MAST4: variants seen among roughly 807,000 people sequenced by gnomAD.
MAST4 encodes the protein microtubule-associated serine/threonine-protein kinase 4.
MAST4 carries 89 observed loss-of-function variants against 162.7 expected under a neutral mutation model. That is an observed-to-expected ratio of 0.55 (90% CI 0.46 to 0.65). The LOEUF is 0.65. Ranked by LOEUF, MAST4 falls within the 30% of genes least tolerant of loss-of-function variation. MAST4 has a pLI of 0.00. For synonymous variants in MAST4, 1,479 were observed against 1,361.1 expected, an observed-to-expected ratio of 1.09 and a Z score of -1.91; for missense variants, 3,153 against 3,374.0, an observed-to-expected ratio of 0.93 and a Z score of 1.62.
At chr5:66,604,692 TG>T (rs560651749) in intron 1 of MAST4, among the ~76,000 whole-genome samples, 179 of 152,276 alleles carry the variant, frequency 1.2e-3, no homozygotes, top group African/African-American at 4.1e-3. Context: ...AGAATTTAGG[TG>T]TGTTCCTTTC....
Position 66,788,728 on chromosome 5 carries a change from G to C in MAST4, c.576G>C (p.Thr192=). ...AGQAWPASAE[T]SNLVRMRSQA... is the part of the protein sequence containing the mutation. ...AGGCCTGGCCGGCCTCTGCAGAGAC[G>C]TCCAACCTCGTGCGCATGCGCAGCC... The change falls in exon 3 of 29, where the codon ACG becomes ACC. Residue 192 remains threonine, a synonymous_variant. Transcript: ENST00000403625. 6.2e-7 allele frequency: 1 copy of C among 1,613,282 alleles called. No homozygotes were observed.
intron 8 of MAST4, 73 bp downstream of exon 8, chr5:67,100,665 G>T (rs1037011081): frequency 1.0e-5 from 16 of 1,559,926 alleles, no homozygotes; most frequent in Non-Finnish European, 1.4e-5. Flanking sequence ...GAACACTTCG[G>T]TCCTTTAGGT....
chr5:67,149,420 A>G lies in MAST4; in HGVS notation c.3126A>G (p.Ile1042Met). The change falls in exon 24 of 29, where the codon ATA (isoleucine) becomes ATG (methionine). Residue 1042 changes from isoleucine (I) to methionine (M), a missense_variant. This residue lies in a region of MAST4 where 619 missense variants were observed against 744.2 expected (regional missense o/e 0.83). Transcript: ENST00000403625. ...GTTTTTCAGAGCACTTGGATCAGAT[A>G]AATGGACGAAGCGAGTGTGTGGACA... The part of the protein sequence containing the change: ...VGSFSEHLDQ[I>M]NGRSECVDST... 6.2e-7 allele frequency: 1 copy of G among 1,613,424 alleles called. No individual in the cohort carries two copies.
At chr5:66,627,137 G>T (rs1215735636) in intron 1 of MAST4, among the ~76,000 whole-genome samples, 1 of 152,162 alleles carries the variant, frequency 6.6e-6, no homozygotes, top group Non-Finnish European at 1.5e-5. Flanking sequence ...CTTACAATTT[G>T]GGCGGAAGGG....
chr5:67,162,504 C>T, intron 27 of MAST4, 103 bp from the exon 28 acceptor site: 1 of 1,009,336 alleles, frequency 9.9e-7, no homozygotes, highest in Non-Finnish European at 1.5e-6. Flanking sequence ...CTGTTGTATC[C>T]CTGTCCCTCA....
At chr5:67,086,115 A>G (rs908796514) in intron 5 of MAST4, among the ~76,000 whole-genome samples, 10 of 152,210 alleles carry the variant, frequency 6.6e-5, no homozygotes, top group African/African-American at 2.4e-4. Flanking sequence ...GGGATCATCA[A>G]GTAATGACAA....
chr5:67,110,074 ACT>A (rs1426031249), intron 10 of MAST4, 22 bp from the exon 11 acceptor site: 3 of 1,536,792 alleles, frequency 2.0e-6, no homozygotes, highest in African/African-American at 2.7e-5. Context: ...CTGCATCATC[ACT>A]CTCTTTATTG....
chr5:67,004,852 C>T (rs1005089734), intron 4 of MAST4: 7 of 621,230 alleles, frequency 1.1e-5, no homozygotes, highest in Middle Eastern at 2.5e-4. Context: ...GATCACAGTT[C>T]CCATCACATT....
chr5:67,066,139 T>A (rs1760200771), intron 5 of MAST4, among the ~76,000 whole-genome samples: 1 of 152,166 alleles, frequency 6.6e-6, no homozygotes, highest in South Asian at 2.1e-4. Flanking sequence ...CTGAACTATT[T>A]TAGATGTTTT....
chr5:66,715,380 A>AT (rs1288663361), intron 1 of MAST4, among the ~76,000 whole-genome samples: 4 of 152,048 alleles, frequency 2.6e-5, no homozygotes, highest in East Asian at 3.9e-4. Context: ...TGTGTTGATG[A>AT]TTTTTTTGGC....
At chr5:66,881,278 GA>G (rs763553029) in intron 3 of MAST4, among the ~76,000 whole-genome samples, 2 of 152,124 alleles carry the variant, frequency 1.3e-5, no homozygotes, top group Non-Finnish European at 2.9e-5. Context: ...GGTTTTTAAG[GA>G]AAGGATGGGA....
chr5:67,066,974 A>G (rs1162816647), intron 5 of MAST4, among the ~76,000 whole-genome samples: 1 of 152,232 alleles, frequency 6.6e-6, no homozygotes, highest in Non-Finnish European at 1.5e-5. Flanking sequence ...TAGCTGAAAC[A>G]ATAGCCAGTT....
Position 67,152,629 on chromosome 5 carries a change from T to G in MAST4, c.3296-8T>G, listed in dbSNP as rs779529056. 42 of 1,612,126 alleles carry G rather than the reference T, an allele frequency of 2.6e-5. No individual in the cohort carries two copies. The highest frequency in any genetic ancestry group is 3.5e-5 in the Non-Finnish European group (41 of 1,178,296). ...CATGGGCTTTGATGACTGGCTTCTT[T>G]GTTACAGATATGTTTGCTGTTTCCC... On this transcript the variant is annotated splice_polypyrimidine_tract_variant and splice_region_variant and intron_variant, in intron 24 of 28. Coordinates refer to ENST00000403625, the MANE Select transcript of MAST4 (RefSeq NM_001164664.2).
At chr5:66,986,371 TG>T in intron 4 of MAST4, 1 of 1,040,742 alleles carries the variant, frequency 9.6e-7, no homozygotes, top group South Asian at 1.5e-5. Context: ...GAGAAATACT[TG>T]CTCTTTATTT....
chr5:66,972,255 T>C (rs1747530653), intron 4 of MAST4, among the ~76,000 whole-genome samples: 2 of 152,242 alleles, frequency 1.3e-5, no homozygotes, highest in Admixed American at 1.3e-4. Context: ...CTGGGAGAGC[T>C]GTACTAATAG....
At chr5:66,952,820 C>G (rs997878028) in intron 4 of MAST4, among the ~76,000 whole-genome samples, 1 of 152,174 alleles carries the variant, frequency 6.6e-6, no homozygotes, top group Admixed American at 6.5e-5. Context: ...GAAGCTTGCC[C>G]ATCATCTCAT....
chr5:66,887,929 C>G (rs1762139536), intron 3 of MAST4, among the ~76,000 whole-genome samples: 1 of 152,072 alleles, frequency 6.6e-6, no homozygotes, highest in Non-Finnish European at 1.5e-5. Context: ...GTACATTGGG[C>G]TGGGCGCGGT....
intron 3 of MAST4, among the ~76,000 whole-genome samples, chr5:66,859,689 G>A (rs1016906951): frequency 1.3e-5 from 2 of 152,218 alleles, no homozygotes; most frequent in Non-Finnish European, 2.9e-5. Flanking sequence ...GCTTGTCATT[G>A]AGTGCAATAT....
chr5:66,849,337 C>T (rs1289230512), intron 3 of MAST4, among the ~76,000 whole-genome samples: 1 of 152,186 alleles, frequency 6.6e-6, no homozygotes, highest in Non-Finnish European at 1.5e-5. Context: ...TCTGTGCCCT[C>T]CTCCTGAGGA....
Sources: gnomAD v4.1 joint callset for allele counts (sites outside exome capture counted in the v4.1 genomes callset) on GRCh38, gnomAD v4.1.1 for gene constraint, gnomAD v4.1.1 regional missense constraint, MANE v1.5 for transcripts, NCBI Gene and HGNC (gene_info 2026-07-23, HGNC 2026-07-21) for gene names.